NONO: variants seen among roughly 807,000 people sequenced by gnomAD.
NONO encodes non-POU domain containing octamer binding.
NONO carries 6 observed loss-of-function variants against 40.2 expected under a neutral mutation model. That is an observed-to-expected ratio of 0.15 (90% CI 0.08 to 0.29). The LOEUF (loss-of-function observed/expected upper bound fraction) is 0.29. NONO is among the 10% of genes least tolerant of loss of function. The probability of loss-of-function intolerance (pLI) is 1.00; values close to 1 mark genes in which losing one functional copy is unlikely to be tolerated. For missense variants in NONO, 133 were observed against 397.8 expected (o/e 0.33, Z 5.66); for synonymous variants, 89 against 123.3 (o/e 0.72, Z 1.85).
chrX:71,287,495 A>G (rs1216919876), intron 2 of NONO, among the ~76,000 whole-genome samples: 1 of 111,138 alleles, frequency 9.0e-6, no homozygotes, highest in Non-Finnish European at 1.9e-5. Flanking sequence ...CTCCTGCCTC[A>G]GCCTCCCAAG....
rs907540219 is a variant in NONO at position 71,301,054 on chromosome X, A to AT, written c.*988dup. 335 of 136,353 alleles carry AT rather than the reference A, an allele frequency of 2.5e-3. No individual in the cohort carries two copies. Among genetic ancestry groups the AT allele is most frequent in the Middle Eastern group, 7.9e-3 (3 of 378 alleles). 11.2% of individuals were successfully genotyped at this position (136,353 alleles called of 1,213,427 possible). On this transcript the variant is annotated 3_prime_UTR_variant, in exon 12 of 12. Coordinates refer to ENST00000276079, the MANE Select transcript of NONO (RefSeq NM_007363.5). ...CCTATCTTAGGTAGTCATGCTGTGCATTTTTTTTTTCATTGGTGTACTGTG... is the reference window on the plus strand; with the variant it reads ...CCTATCTTAGGTAGTCATGCTGTGCATTTTTTTTTTTCATTGGTGTACTGTG...
chrX:71,293,467 C>T (rs1200219196), intron 4 of NONO, among the ~76,000 whole-genome samples: 2 of 108,929 alleles, frequency 1.8e-5, no homozygotes, highest in Non-Finnish European at 3.8e-5. Context: ...CCTGTAATCC[C>T]ACCTGCTCAG....
intron 2 of NONO, among the ~76,000 whole-genome samples, chrX:71,289,429 C>T (rs377656226): frequency 1.7e-3 from 183 of 109,278 alleles, no homozygotes; most frequent in African/African-American, 5.8e-3. Context: ...ATAGCCAGGA[C>T]TACAGGCGCC....
intron 2 of NONO, among the ~76,000 whole-genome samples, chrX:71,288,831 A>G (rs2031258738): frequency 8.9e-6 from 1 of 112,753 alleles, no homozygotes; most frequent in Non-Finnish European, 1.9e-5. Context: ...TTTGAGAGAC[A>G]GGTATTTTTA....
rs970513749 is a variant in NONO, at chrX:71,300,377, G to T, written c.*301G>T. ...GATCCAGTTAGAGCCCATTAATCTT[G>T]ATCATTCCGGTTTTTTTTTTTTTTG... On this transcript the variant is annotated 3_prime_UTR_variant, in exon 12 of 12. Transcript: ENST00000276079. 3 of 287,465 alleles carry T rather than the reference G, an allele frequency of 1.0e-5. No homozygotes were observed. The highest frequency in any genetic ancestry group is 1.3e-4 in the Admixed American group (2 of 15,782). 23.7% of individuals were successfully genotyped at this position (287,465 alleles called of 1,213,427 possible). A position where few individuals can be genotyped will look rare whatever the true frequency, so the allele number is the denominator to read the frequency against.
In NONO at chrX:71,300,440, G is replaced by A. The variant is rs2031556947; in HGVS notation, c.*364G>A. The stretch of plus-strand genomic sequence containing the variant: ...CATTTGCTTGCCCCGCCCCCGAGAC[G>A]GAGTCTTACTCTGTCGCCCAGGCTG... On this transcript the variant is annotated 3_prime_UTR_variant, in exon 12 of 12. Transcript: ENST00000276079. 1.9e-5 allele frequency: 5 copies of A among 259,392 alleles called. No homozygotes were observed. Among genetic ancestry groups the A allele is most frequent in the African/African-American group, 6.2e-5 (2 of 32,326 alleles). 21.4% of individuals were successfully genotyped at this position (259,392 alleles called of 1,213,427 possible). A position where few individuals can be genotyped will look rare whatever the true frequency, so the allele number is the denominator to read the frequency against.
In NONO at chrX:71,298,790, A is replaced by G. The variant is rs752892693; in HGVS notation, c.1255A>G (p.Met419Val). ...GTPAPPGPAT[M>V]MPDGTLGLTP... ...CCCAGCTCCTCCAGGACCTGCCACTATGATGCCGGATGGAACTTTGGGATT... is the reference window on the plus strand; with the variant it reads ...CCCAGCTCCTCCAGGACCTGCCACTGTGATGCCGGATGGAACTTTGGGATT... The change falls in exon 11 of 12, where the codon ATG becomes GTG. Residue 419 changes from methionine (M) to valine (V), a missense_variant. Met to Val is a conservative substitution (Grantham distance 21, BLOSUM62 1). Transcript: ENST00000276079. The G allele has an allele frequency of 6.6e-6, 8 of 1,207,072 alleles. No homozygotes were observed. The highest frequency in any genetic ancestry group is 9.0e-6 in the Non-Finnish European group (8 of 891,533).
At chrX:71,296,017 T>C (rs914953851) in intron 5 of NONO, among the ~76,000 whole-genome samples, 39 of 111,615 alleles carry the variant, frequency 3.5e-4, no homozygotes, top group Non-Finnish European at 3.2e-4. Context: ...TCAGAGTGTC[T>C]GTAGATGTTT....
At position 71,300,087 on chromosome X, in the gene NONO, T is replaced by C; in HGVS notation, c.*11T>C. On this transcript the variant is annotated 3_prime_UTR_variant, in exon 12 of 12. Transcript: ENST00000276079. ...CGTCGCCGATACTAATAAGTTGCAG[T>C]GTCTAGTTTCTCAAAACCCTTAAAA... 1.7e-6 allele frequency: 2 copies of C among 1,209,709 alleles called. No individual in the cohort carries two copies. The highest frequency in any genetic ancestry group is 3.0e-5 in the East Asian group (1 of 33,811).
intron 5 of NONO, among the ~76,000 whole-genome samples, chrX:71,295,574 C>T (rs1458392916): frequency 1.8e-5 from 2 of 110,431 alleles, no homozygotes; most frequent in African/African-American, 6.6e-5. Context: ...GGGTGAATCA[C>T]GAGGTCCTGA....
At chrX:71,296,534 G>T (rs746885261) in intron 5 of NONO, 31 bp from the exon 6 acceptor site, 1 of 1,043,980 alleles carries the variant, frequency 9.6e-7, no homozygotes, top group Non-Finnish European at 1.3e-6. Context: ...GGTATGATTT[G>T]ATTAACACTG....
chrX:71,293,730 C>G (rs1280130014), intron 4 of NONO, among the ~76,000 whole-genome samples: 2 of 110,427 alleles, frequency 1.8e-5, no homozygotes, highest in African/African-American at 6.6e-5. Context: ...CTCCCGGGTT[C>G]AGGCAGTTCT....
intron 2 of NONO, 118 bp from the exon 3 acceptor site, chrX:71,290,511 T>C: frequency 1.9e-6 from 1 of 519,315 alleles, no homozygotes; most frequent in Non-Finnish European, 3.2e-6. Flanking sequence ...TAACAAATTG[T>C]TTGCCTCTGA....
chrX:71,290,932 C>G (rs1316348355), intron 3 of NONO, 141 bp downstream of exon 3: 1 of 692,904 alleles, frequency 1.4e-6, no homozygotes, highest in Non-Finnish European at 2.0e-6. Context: ...CCTCTTAATA[C>G]TTACGATGGA....
intron 1 of NONO, 187 bp downstream of exon 1, chrX:71,283,908 C>T (rs1455303485): frequency 8.9e-6 from 1 of 112,254 alleles, no homozygotes; most frequent in Non-Finnish European, 1.9e-5. Context: ...CCTTTCTCAA[C>T]TCGCTTCGCT....
chrX:71,298,117 T>C (rs2031493158), intron 9 of NONO, 179 bp downstream of exon 9: 1 of 440,763 alleles, frequency 2.3e-6, no homozygotes, highest in East Asian at 3.7e-5. Context: ...ACAAGCAATA[T>C]AGGATGAAAA....
rs775207631 is a variant in NONO at position 71,286,560 on chromosome X, C to T, written c.-10+2107C>T. ...GCAATGCAGTTGTTTTCATTTTTGC[C>T]TACCTTCTGTTCCCTTGTCTATATT... On this transcript the variant is annotated intron_variant, in intron 2 of 11. Transcript: ENST00000276079. Among the ~76,000 whole-genome samples, 11 of 111,537 alleles carry T rather than the reference C, an allele frequency of 9.9e-5. No individual in the cohort carries two copies. The South Asian group carries it at 4.1e-3, about 41-fold the overall frequency.
chrX:71,292,057 A>G (rs1234545603), intron 4 of NONO, 85 bp downstream of exon 4: 7 of 654,083 alleles, frequency 1.1e-5, no homozygotes, highest in Non-Finnish European at 1.6e-5. Context: ...GGCAGTGGAA[A>G]TAATTCTCAG....
chrX:71,299,651 T>C (rs2031532908), intron 11 of NONO, among the ~76,000 whole-genome samples: 1 of 111,624 alleles, frequency 9.0e-6, no homozygotes, highest in Non-Finnish European at 1.9e-5. Context: ...GTTTTGCTCT[T>C]GTCGCCCAGG....
Sources: gnomAD v4.1 joint callset for allele counts (sites outside exome capture counted in the v4.1 genomes callset) on GRCh38, gnomAD v4.1.1 for gene constraint, MANE v1.5 for transcripts, NCBI Gene and HGNC (gene_info 2026-07-23, HGNC 2026-07-21) for gene names.